ITGA7: variants seen among roughly 807,000 people sequenced by gnomAD.
ITGA7 encodes the protein integrin subunit alpha 7.
ITGA7 carries 84 observed loss-of-function variants against 131.6 expected under a neutral mutation model. The observed-to-expected ratio is 0.64, with a 90% CI of 0.54 to 0.77. The LOEUF (loss-of-function observed/expected upper bound fraction) is 0.77. ITGA7 is among the 30% of genes least tolerant of loss of function. The pLI is 0.00. For missense variants in ITGA7, 1,399 were observed against 1,482.9 expected, an observed-to-expected ratio of 0.94 and a Z score of 0.93; for synonymous variants, 548 against 600.7, an observed-to-expected ratio of 0.91 and a Z score of 1.28.
chr12:55,693,810 G>A (rs1872013573), intron 19 of ITGA7, among the ~76,000 whole-genome samples: 1 of 152,092 alleles, frequency 6.6e-6, no homozygotes, highest in Non-Finnish European at 1.5e-5. Context: ...ACACCAGCAG[G>A]TGAGACAGCC....
rs764231665 is a variant in ITGA7 at position 55,700,002 on chromosome 12, G to A, written c.671-13C>T. ...ACAAAAAGCAACCCTGTGGGGGGTG[G>A]GGTGAGACACCAGGGAGGGGACATC... is the stretch of plus-strand genomic sequence containing the variant. On this transcript the variant is annotated splice_polypyrimidine_tract_variant and intron_variant, in intron 4 of 24. Transcript: ENST00000257879. 6.2e-7 allele frequency: 1 copy of A among 1,613,946 alleles called. No individual in the cohort carries two copies. Among genetic ancestry groups the A allele is most frequent in the South Asian group, 1.1e-5 (1 of 91,054 alleles).
intron 1 of ITGA7, among the ~76,000 whole-genome samples, chr12:55,705,225 T>C (rs971192148): frequency 6.6e-6 from 1 of 152,024 alleles, no homozygotes; most frequent in African/African-American, 2.4e-5. Flanking sequence ...AATCGATCCT[T>C]AGTGGAACAA....
chr12:55,711,491 A>AC (rs1331238386), upstream of ITGA7, among the ~76,000 whole-genome samples: 1 of 151,846 alleles, frequency 6.6e-6, no homozygotes, highest in Admixed American at 6.6e-5. Context: ...AAAAAAAAAA[A>AC]ATTTAAAAAT....
chr12:55,695,460 G>T (rs1236827277), intron 14 of ITGA7, 62 bp downstream of exon 14: 2 of 1,129,504 alleles, frequency 1.8e-6, no homozygotes, highest in East Asian at 4.8e-5. Context: ...TCCTGAGAGG[G>T]CTTTCTCTCA....
chr12:55,693,894 G>A (rs1322426562), intron 19 of ITGA7, 127 bp downstream of exon 19: 7 of 774,580 alleles, frequency 9.0e-6, no homozygotes, highest in African/African-American at 8.6e-5. Context: ...TCCATATGCA[G>A]GACAGAGGCC....
chr12:55,702,727 C>A, intron 3 of ITGA7, 145 bp downstream of exon 3: 2 of 731,116 alleles, frequency 2.7e-6, no homozygotes, highest in Non-Finnish European at 4.8e-6. Flanking sequence ...ATGTCTCACA[C>A]CTTTTTATAT....
rs769005946 is a variant in ITGA7, at chr12:55,694,067, A to T, written c.2489T>A (p.Met830Lys). Residue 830 changes from methionine (M) to lysine (K), a missense_variant, in exon 19 of 25, where the codon ATG becomes AAG. Transcript: ENST00000257879. The surrounding 1 kb of genome is among the most constrained non-coding windows in gnomAD (Gnocchi z 5.3). The part of the protein sequence containing the change: ...FSGVVRGERA[M>K]QSERDVGSKV... The stretch of plus-strand genomic sequence containing the variant: ...GCTGCCCACATCCCGCTCAGACTGC[A>T]TGGCTCTCTCGCCCCTCACCACACC... 1 of 1,614,172 alleles carries T rather than the reference A, an allele frequency of 6.2e-7. No individual in the cohort carries two copies. Among genetic ancestry groups the T allele is most frequent in the South Asian group, 1.1e-5 (1 of 91,074 alleles).
At chr12:55,701,456 G>A (rs1874002317) in intron 3 of ITGA7, 1 of 1,546,304 alleles carries the variant, frequency 6.5e-7, no homozygotes. Flanking sequence ...CACCACATAG[G>A]ATGTGTGTCT....
rs929378634 is a variant in ITGA7 at position 55,685,029 on chromosome 12, AGCCACAG to A, written c.*22_*28del. ...CATCTCTGGGGAAGGGATGGAGGGC[AGCCACAG>A]GCCAGGCTGGGACATGGGAACCTAG... On this transcript the variant is annotated 3_prime_UTR_variant, in exon 25 of 25. Transcript: ENST00000257879. The A allele has an allele frequency of 1.3e-6, 2 of 1,528,776 alleles. No homozygotes were observed. The highest frequency in any genetic ancestry group is 2.7e-5 in the African/African-American group (2 of 73,560). The allele number at this position is 1,528,776 out of a possible 1,614,324, so 94.7% of individuals were successfully genotyped here. A position where few individuals can be genotyped will look rare whatever the true frequency, so the allele number is the denominator to read the frequency against.
chr12:55,703,090 C>T lies in ITGA7; in HGVS notation c.295G>A (p.Glu99Lys). ...TCCACTCTGTAGCAGTCAGTCTCCTCCAGGCTCAACGGGCAAGCGAAGAGG... is the reference window on the plus strand; with the variant it reads ...TCCACTCTGTAGCAGTCAGTCTCCTTCAGGCTCAACGGGCAAGCGAAGAGG... ...GGLFACPLSL[E>K]ETDCYRVDID... The change falls in exon 2 of 25, where the codon GAG (glutamate) becomes AAG (lysine). Residue 99 changes from glutamate to lysine, a missense_variant. Glu to Lys is a moderately conservative substitution (Grantham distance 56, BLOSUM62 1). Transcript: ENST00000257879. The T allele has an allele frequency of 6.2e-7, 1 of 1,614,122 alleles. No homozygotes were observed. Among genetic ancestry groups the T allele is most frequent in the Non-Finnish European group, 8.5e-7 (1 of 1,180,036 alleles).
chr12:55,686,156 A>G, intron 24 of ITGA7: 1 of 1,097,380 alleles, frequency 9.1e-7, no homozygotes, highest in South Asian at 1.3e-5. Flanking sequence ...ATTCACACAC[A>G]TACATACCCA....
chr12:55,688,127 G>A, intron 23 of ITGA7, 31 bp from the exon 24 acceptor site: 2 of 1,614,128 alleles, frequency 1.2e-6, no homozygotes, highest in Admixed American at 1.7e-5. Context: ...GGAGCAAGAG[G>A]TCAATGGAAC....
Position 55,694,971 on chromosome 12 carries a change from C to T in ITGA7, c.2004-1G>A, listed in dbSNP as rs1348062671. ...CAGGGCTGTTGTTCCATCCACATCC[C>T]TGGAGAGTCAGACCCCACTCCTGCT... On this transcript the variant is annotated splice_acceptor_variant, in intron 14 of 24. Coordinates refer to ENST00000257879, the MANE Select transcript of ITGA7 (RefSeq NM_002206.3). LOFTEE classifies it high-confidence loss of function. The surrounding 1 kb of genome is among the most constrained non-coding windows in gnomAD (Gnocchi z 5.3). 3.7e-6 allele frequency: 6 copies of T among 1,612,914 alleles called. No individual in the cohort carries two copies. The highest frequency in any genetic ancestry group is 5.1e-6 in the Non-Finnish European group (6 of 1,179,966).
rs1592439442 is a variant in ITGA7, at chr12:55,696,142, A to T, written c.1887+141T>A. The T allele has an allele frequency of 5.6e-6, 5 of 891,582 alleles. No individual in the cohort carries two copies. In the East Asian group the frequency reaches 1.3e-4, roughly 24 times the overall value. The allele number at this position is 891,582 out of a possible 1,614,324, so 55.2% of individuals were successfully genotyped here. On this transcript the variant is annotated intron_variant, in intron 13 of 24. Transcript: ENST00000257879. Reference sequence around the variant, plus strand: ...CCCTTGACTAGGAACATGGTCATTTAGGCACCTAGAGATATGAGGAATTAC... The same window carrying T: ...CCCTTGACTAGGAACATGGTCATTTTGGCACCTAGAGATATGAGGAATTAC...
Position 55,697,534 on chromosome 12 carries a change from G to A in ITGA7, c.1422C>T (p.Ile474=), listed in dbSNP as rs1398913487. ...TAGAGACCTCATGGGAGACATGGAG[G>A]ATGGGTCTGGCCCTGGGATTGGGGA... ...DTAVLFRARP[I]LHVSHEVSIA... is the part of the protein sequence containing the mutation. The change falls in exon 10 of 25, where the codon ATC becomes ATT. Residue 474 remains isoleucine, a synonymous_variant. Transcript: ENST00000257879. 12 of 1,613,866 alleles carry A rather than the reference G, an allele frequency of 7.4e-6. No homozygotes were observed. Among genetic ancestry groups the A allele is most frequent in the Non-Finnish European group, 8.5e-6 (10 of 1,179,962 alleles).
chr12:55,700,364 C>A lies in ITGA7; in HGVS notation c.671-375G>T, dbSNP rs201973713. The stretch of plus-strand genomic sequence containing the variant: ...TCCAGGTGTGCCAGGTCCGCTGAGC[C>A]CTGTGCACAGAGCTCCACCCTGGCC... On this transcript the variant is annotated intron_variant, in intron 4 of 24. Transcript: ENST00000257879. 1.9e-6 allele frequency: 3 copies of A among 1,609,906 alleles called. No individual in the cohort carries two copies. In the African/African-American group the frequency reaches 4.0e-5, roughly 22 times the overall value.
At position 55,698,503 on chromosome 12, in the gene ITGA7, A is replaced by G; in HGVS notation, c.1072T>C (p.Tyr358His). Reference sequence around the variant, plus strand: ...GCCCAGTGACCCCCCTGGTTCAAGTACACATACACAGCACCCCCCAGCTCT... The same window carrying G: ...GCCCAGTGACCCCCCTGGTTCAAGTGCACATACACAGCACCCCCCAGCTCT... ...QEELGGAVYV[Y>H]LNQGGHWAGI... Residue 358 changes from tyrosine (Y) to histidine (H), a missense_variant, in exon 7 of 25, where the codon TAC becomes CAC. Tyr to His is a moderately conservative substitution (Grantham distance 83). Transcript: ENST00000257879. The G allele has an allele frequency of 6.2e-7, 1 of 1,614,052 alleles. No homozygotes were observed. The highest frequency in any genetic ancestry group is 8.5e-7 in the Non-Finnish European group (1 of 1,179,970).
Position 55,693,199 on chromosome 12 carries a change from C to T in ITGA7, c.2654G>A (p.Gly885Asp), listed in dbSNP as rs1408441996. 1.2e-6 allele frequency: 2 copies of T among 1,614,028 alleles called. No homozygotes were observed. The highest frequency in any genetic ancestry group is 1.1e-5 in the South Asian group (1 of 91,074). The change falls in exon 20 of 25, where the codon GGC (glycine) becomes GAC (aspartate). Residue 885 changes from glycine (G) to aspartate (D), a missense_variant. Coordinates refer to ENST00000257879, the MANE Select transcript of ITGA7 (RefSeq NM_002206.3). ...CCCTTTCTGCCCAGGCCCCTGCCCG[C>T]CCTCCAGCTCAACCTGCATTGGGTA... ...LLYPMQVELEGGQGPGQKGLC... is the reference protein window; with the variant it reads ...LLYPMQVELEDGQGPGQKGLC...
In ITGA7 at chr12:55,685,052, G is replaced by A. The variant is rs779375208; in HGVS notation, c.*6C>T. ...GCAGCCACAGGCCAGGCTGGGACAT[G>A]GGAACCTAGGCGGTGCCTGGCCCTG... is the stretch of plus-strand genomic sequence containing the variant. On this transcript the variant is annotated 3_prime_UTR_variant, in exon 25 of 25. Coordinates refer to ENST00000257879, the MANE Select transcript of ITGA7 (RefSeq NM_002206.3). The A allele has an allele frequency of 3.5e-5, 55 of 1,570,376 alleles. No homozygotes were observed. Among genetic ancestry groups the A allele is most frequent in the Non-Finnish European group, 4.6e-5 (54 of 1,161,446 alleles).
Sources: allele counts gnomAD v4.1 joint callset (sites outside exome capture counted in the v4.1 genomes callset), GRCh38; gene constraint gnomAD v4.1.1; non-coding constraint Gnocchi (gnomAD v3.1); transcripts MANE v1.5; gene names NCBI Gene and HGNC (gene_info 2026-07-23, HGNC 2026-07-21).